Variants in CD81 observed in about 807,000 individuals in gnomAD.
CD81 encodes CD81 antigen.
Under a neutral mutation model 30.1 loss-of-function variants are expected in CD81, and 10 were observed. The ratio of observed to expected loss-of-function variants is 0.33; its 90% CI spans 0.21 to 0.56. The LOEUF (loss-of-function observed/expected upper bound fraction) is 0.56. Ranked by LOEUF, CD81 falls within the 20% of genes least tolerant of loss-of-function variation. CD81 has a pLI of 0.89. For synonymous variants in CD81, 147 were observed against 126.4 expected, an observed-to-expected ratio of 1.16 and a Z score of -1.10; for missense variants, 263 against 308.7, an observed-to-expected ratio of 0.85 and a Z score of 1.11.
chr11:2,396,433 A>G, intron 6 of CD81, 195 bp from the exon 7 acceptor site: 1 of 631,796 alleles, frequency 1.6e-6, no homozygotes, highest in South Asian at 1.8e-5. Flanking sequence ...CGTTTATGTT[A>G]AAACGGGTGG....
chr11:2,377,630 G>A lies in CD81; in HGVS notation c.66+15G>A. 1 of 1,510,662 alleles carries A rather than the reference G, an allele frequency of 6.6e-7. No individual in the cohort carries two copies. The highest frequency in any genetic ancestry group is 9.0e-7 in the Non-Finnish European group (1 of 1,116,082). 93.6% of individuals were successfully genotyped at this position (1,510,662 alleles called of 1,614,324 possible). ...TCGTCTTCTGGGTAAGGGCTGCGCC[G>A]GGGGCCGGGGCGGGAGGGGGCAGGC... On this transcript the variant is annotated intron_variant, in intron 1 of 7. Transcript: ENST00000263645. The surrounding 1 kb of genome is among the most constrained non-coding windows in gnomAD (Gnocchi z 7.7).
chr11:2,394,551 C>T (rs902349952), intron 3 of CD81, among the ~76,000 whole-genome samples: 4 of 152,204 alleles, frequency 2.6e-5, no homozygotes, highest in Non-Finnish European at 4.4e-5. Context: ...AGCCTATGCC[C>T]GTGTCTCCAG....
chr11:2,386,619 G>T lies in CD81; in HGVS notation c.67-3793G>T, dbSNP rs901857082. The T allele has an allele frequency of 4.2e-6, 3 of 717,132 alleles. No homozygotes were observed. The Admixed American group carries it at 6.0e-5, about 14-fold the overall frequency. 44.4% of individuals were successfully genotyped at this position (717,132 alleles called of 1,614,324 possible). On this transcript the variant is annotated intron_variant, in intron 1 of 7. Transcript: ENST00000263645. ...CATGGCCCCGTTTGTCCATGCTAGG[G>T]CTGGGAAGACCAAGGCTCAGGTGAG...
chr11:2,385,455 CTT>C (rs1489052452), intron 1 of CD81, among the ~76,000 whole-genome samples: 5 of 152,224 alleles, frequency 3.3e-5, no homozygotes, highest in Admixed American at 2.0e-4. Context: ...TGTTCTGCCT[CTT>C]TGCTTCAGCA....
rs748713554 is a variant in CD81 at position 2,377,549 on chromosome 11, C to T, written c.-1C>T. 2.8e-6 allele frequency: 4 copies of T among 1,445,450 alleles called. No individual in the cohort carries two copies. The African/African-American group carries it at 4.5e-5, about 16-fold the overall frequency. 89.5% of individuals were successfully genotyped at this position (1,445,450 alleles called of 1,614,324 possible). On this transcript the variant is annotated 5_prime_UTR_variant, in exon 1 of 8. Transcript: ENST00000263645. This position sits in a 1 kb window ranked among gnomAD's most constrained non-coding sequence, Gnocchi z 7.7. Reference sequence around the variant, plus strand: ...GCAGGCCGCCCGCCGCCCGCGCCGCCATGGGAGTGGAGGGCTGCACCAAGT... The same window carrying T: ...GCAGGCCGCCCGCCGCCCGCGCCGCTATGGGAGTGGAGGGCTGCACCAAGT...
At chr11:2,389,535 G>A (rs1849858085) in intron 1 of CD81, among the ~76,000 whole-genome samples, 1 of 152,098 alleles carries the variant, frequency 6.6e-6, no homozygotes. Flanking sequence ...CACCTGGCTA[G>A]AGTTGATTGT....
intron 1 of CD81, among the ~76,000 whole-genome samples, chr11:2,380,264 GGGA>G (rs1318607640): frequency 2.0e-5 from 3 of 152,122 alleles, no homozygotes; most frequent in Non-Finnish European, 4.4e-5. Flanking sequence ...GAGGCTGGTG[GGGA>G]GGAGGTTGAC....
At chr11:2,390,370 A>G (rs1003070796) in intron 1 of CD81, 42 bp from the exon 2 acceptor site, 1 of 1,490,966 alleles carries the variant, frequency 6.7e-7, no homozygotes. Flanking sequence ...TCCCTGCTGC[A>G]GTGCTCTTCG....
intron 2 of CD81, 23 bp downstream of exon 2, chr11:2,390,549 A>G (rs770758666): frequency 6.5e-7 from 1 of 1,544,538 alleles, no homozygotes; most frequent in Non-Finnish European, 8.9e-7. Context: ...GTGGCCGCAG[A>G]CGCATTCAGG....
chr11:2,382,801 G>A (rs1188356041), intron 1 of CD81, among the ~76,000 whole-genome samples: 4 of 152,254 alleles, frequency 2.6e-5, no homozygotes, highest in African/African-American at 4.8e-5. Flanking sequence ...CCCCAGGACA[G>A]GCGAAGGACC....
chr11:2,388,786 C>T (rs1283507850), intron 1 of CD81, among the ~76,000 whole-genome samples: 1 of 152,184 alleles, frequency 6.6e-6, no homozygotes, highest in Non-Finnish European at 1.5e-5. Flanking sequence ...CCCCCTGCCT[C>T]CTCCTCCAGG....
chr11:2,386,489 T>G (rs370455196), intron 1 of CD81: 28 of 708,430 alleles, frequency 4.0e-5, no homozygotes, highest in East Asian at 3.8e-4. Context: ...CCTAGGGGGG[T>G]CCCTCCGCCT....
intron 4 of CD81, 118 bp downstream of exon 4, chr11:2,395,164 G>A: frequency 5.7e-6 from 5 of 876,900 alleles, no homozygotes; most frequent in Non-Finnish European, 9.4e-6. Context: ...CTCTTCCTGG[G>A]TCCCACTTGC....
chr11:2,387,453 G>A (rs552395864), intron 1 of CD81, among the ~76,000 whole-genome samples: 10 of 152,330 alleles, frequency 6.6e-5, no homozygotes, highest in African/African-American at 1.7e-4. Context: ...GGCAACTCTC[G>A]GCCTCGCCAC....
chr11:2,385,555 T>TC, intron 1 of CD81: 1 of 234,224 alleles, frequency 4.3e-6, no homozygotes, highest in South Asian at 3.9e-5. Context: ...GTGGCATGCC[T>TC]GTCTGTGCAC....
chr11:2,382,099 C>T (rs771166133), intron 1 of CD81, among the ~76,000 whole-genome samples: 4 of 152,242 alleles, frequency 2.6e-5, no homozygotes, highest in Non-Finnish European at 2.9e-5. Flanking sequence ...CAGGGGGCCA[C>T]GCCCAAGGGT....
At chr11:2,393,618 C>G in intron 2 of CD81, 1 of 518,478 alleles carries the variant, frequency 1.9e-6, no homozygotes, top group South Asian at 2.4e-5. Flanking sequence ...AGCATTGGTT[C>G]CAGTTCCGGT....
At chr11:2,380,278 A>G (rs923972978) in intron 1 of CD81, among the ~76,000 whole-genome samples, 1 of 152,060 alleles carries the variant, frequency 6.6e-6, no homozygotes, top group African/African-American at 2.4e-5. Context: ...GGAGGTTGAC[A>G]ATGGATATCT....
chr11:2,380,521 A>G (rs1227586388), intron 1 of CD81, among the ~76,000 whole-genome samples: 1 of 152,136 alleles, frequency 6.6e-6, no homozygotes, highest in Non-Finnish European at 1.5e-5. Flanking sequence ...GGCAGCATGC[A>G]CCTGCGCCCT....
Sources: gnomAD v4.1 joint callset for allele counts (sites outside exome capture counted in the v4.1 genomes callset) on GRCh38, gnomAD v4.1.1 for gene constraint, Gnocchi (gnomAD v3.1) non-coding constraint, MANE v1.5 for transcripts, NCBI Gene and HGNC (gene_info 2026-07-23, HGNC 2026-07-21) for gene names.